LARP4: variants seen among roughly 807,000 people sequenced by gnomAD.
LARP4 encodes la-related protein 4.
In LARP4, 29 loss-of-function variants were observed where a neutral mutation model predicts 92.9. The ratio of observed to expected loss-of-function variants is 0.31; its 90% CI spans 0.23 to 0.43. LARP4 has a LOEUF of 0.43. Among genes scored for constraint, LARP4 ranks in the 20% least tolerant of loss-of-function variants. The pLI is 1.00. For synonymous variants in LARP4, 279 were observed against 284.1 expected, an observed-to-expected ratio of 0.98 and a Z score of 0.18; for missense variants, 732 against 860.0, an observed-to-expected ratio of 0.85 and a Z score of 1.86.
rs374993914 is a variant in LARP4 at position 50,460,780 on chromosome 12, CA to C, written c.1122-351del. Among the ~76,000 whole-genome samples the C allele has an allele frequency of 4.1e-3, 617 of 152,064 alleles. 5 individuals are homozygous for C. Among genetic ancestry groups the C allele is most frequent in the African/African-American group, 0.014 (579 of 41,518 alleles). On this transcript the variant is annotated intron_variant, in intron 10 of 15. Coordinates refer to ENST00000398473, the MANE Select transcript of LARP4 (RefSeq NM_052879.5). ...ACGGTGAAACCCCATCTCTACTAAACAAAATACAAAAAATTAGCTGGACGTG... is the reference window on the plus strand; with the variant it reads ...ACGGTGAAACCCCATCTCTACTAAACAAATACAAAAAATTAGCTGGACGTG...
intron 8 of LARP4, among the ~76,000 whole-genome samples, chr12:50,447,199 AT>A (rs1952349491): frequency 1.3e-5 from 2 of 152,136 alleles, no homozygotes; most frequent in Non-Finnish European, 2.9e-5. Context: ...AGCCTTTTGG[AT>A]TTTCGGATTT....
intron 1 of LARP4, among the ~76,000 whole-genome samples, chr12:50,426,401 A>T (rs1412971824): frequency 8.5e-5 from 13 of 152,194 alleles, no homozygotes; most frequent in Admixed American, 8.5e-4. Flanking sequence ...CTAAATTCCC[A>T]CATCACATTC....
At chr12:50,472,237 A>T (rs1292582727) in intron 13 of LARP4, among the ~76,000 whole-genome samples, 2 of 152,208 alleles carry the variant, frequency 1.3e-5, no homozygotes, top group Admixed American at 1.3e-4. Context: ...GTTTTGTAGT[A>T]TTAAGTACCT....
chr12:50,463,916 G>A (rs541028455), intron 12 of LARP4, among the ~76,000 whole-genome samples: 4 of 152,084 alleles, frequency 2.6e-5, no homozygotes, highest in Non-Finnish European at 5.9e-5. Context: ...TTTCTGTCTG[G>A]ACTTATACCA....
chr12:50,440,654 T>G, intron 7 of LARP4, 105 bp downstream of exon 7: 1 of 718,780 alleles, frequency 1.4e-6, no homozygotes, highest in Non-Finnish European at 2.4e-6. Context: ...TTATCAAGAC[T>G]AGTGAGTACC....
rs1361843724 is a variant in LARP4 at position 50,474,160 on chromosome 12, C to T, written c.1829C>T (p.Ala610Val). 1 of 1,599,958 alleles carries T rather than the reference C, an allele frequency of 6.3e-7. No individual in the cohort carries two copies. Among genetic ancestry groups the T allele is most frequent in the Non-Finnish European group, 8.5e-7 (1 of 1,175,614 alleles). ...NNNINAATAV[A>V]LQEPRKLSYA... The stretch of plus-strand genomic sequence containing the variant: ...AACATAAATGCAGCTACAGCTGTGG[C>T]TCTACAGGTAACTTGAAGATTTTAG... The change falls in exon 15 of 16, where the codon GCT (alanine) becomes GTT (valine). Residue 610 changes from alanine (A) to valine (V), a missense_variant. Around this residue, in one of 7 missense-constraint regions of LARP4, gnomAD observed 4 missense variants for 17.7 expected, o/e 0.23. Coordinates refer to ENST00000398473, the MANE Select transcript of LARP4 (RefSeq NM_052879.5).
chr12:50,410,413 T>TC (rs1211750473), intron 1 of LARP4, among the ~76,000 whole-genome samples: 1 of 150,708 alleles, frequency 6.6e-6, no homozygotes, highest in East Asian at 1.9e-4. Context: ...TTTATCTTTT[T>TC]TTTTTTTTTT....
intron 4 of LARP4, among the ~76,000 whole-genome samples, chr12:50,431,947 T>C (rs969678850): frequency 1.3e-5 from 2 of 152,178 alleles, no homozygotes; most frequent in Non-Finnish European, 2.9e-5. Context: ...AAGACCAGCC[T>C]GGCCAATATG....
intron 6 of LARP4, among the ~76,000 whole-genome samples, chr12:50,440,040 GA>G (rs1950977993): frequency 6.6e-6 from 1 of 152,224 alleles, no homozygotes; most frequent in African/African-American, 2.4e-5. Context: ...GGCCAGGCAG[GA>G]AAAGGACAGG....
At chr12:50,436,920 T>C (rs1950537317) in intron 5 of LARP4, among the ~76,000 whole-genome samples, 1 of 152,174 alleles carries the variant, frequency 6.6e-6, no homozygotes, top group Non-Finnish European at 1.5e-5. Context: ...TATGGAACAT[T>C]ACAGAGGATT....
intron 8 of LARP4, among the ~76,000 whole-genome samples, chr12:50,446,253 A>G (rs1310150292): frequency 1.4e-5 from 2 of 138,256 alleles, no homozygotes; most frequent in Non-Finnish European, 3.1e-5. Context: ...TGATCTGCCC[A>G]CCTCAGCCTC....
chr12:50,431,385 A>G (rs1949636446), intron 4 of LARP4, among the ~76,000 whole-genome samples: 1 of 152,208 alleles, frequency 6.6e-6, no homozygotes. Context: ...TGGAATTGAC[A>G]AAAAGTTATT....
At chr12:50,408,420 C>G (rs1945242175) in intron 1 of LARP4, among the ~76,000 whole-genome samples, 1 of 151,994 alleles carries the variant, frequency 6.6e-6, no homozygotes, top group South Asian at 2.1e-4. Flanking sequence ...TGGTCTCGAA[C>G]TCCCAACCTC....
chr12:50,438,961 A>G (rs1442382987), intron 6 of LARP4, among the ~76,000 whole-genome samples: 2 of 152,308 alleles, frequency 1.3e-5, no homozygotes, highest in East Asian at 3.9e-4. Context: ...TTTTTGAGAC[A>G]GGGTTTCAGT....
rs913149715 is a variant in LARP4, at chr12:50,429,913, T to A, written c.323-582T>A. ...CTTTGGCCTCCCAAAGTGCTGGGAT[T>A]ACAGGCGTGAGCCACCATGCCCGGC... On this transcript the variant is annotated intron_variant, in intron 3 of 15. Coordinates refer to ENST00000398473, the MANE Select transcript of LARP4 (RefSeq NM_052879.5). Among the ~76,000 whole-genome samples the A allele has an allele frequency of 4.6e-5, 7 of 152,228 alleles. No homozygotes were observed. In the South Asian group the frequency reaches 1.4e-3, roughly 32 times the overall value.
intron 4 of LARP4, among the ~76,000 whole-genome samples, chr12:50,432,900 G>T (rs556039313): frequency 6.7e-6 from 1 of 149,764 alleles, no homozygotes; most frequent in African/African-American, 2.4e-5. Context: ...GTGTCTTATC[G>T]GGGAGACTTG....
At chr12:50,447,892 G>C (rs896674071) in intron 8 of LARP4, among the ~76,000 whole-genome samples, 1 of 151,940 alleles carries the variant, frequency 6.6e-6, no homozygotes, top group African/African-American at 2.4e-5. Context: ...TTTTGAGACG[G>C]AGTCTTGCCG....
intron 1 of LARP4, chr12:50,421,392 C>T (rs1947763389): frequency 1.7e-6 from 1 of 578,520 alleles, no homozygotes. Context: ...ACCTGTAATC[C>T]CAGCACTTTG....
At chr12:50,473,075 C>G (rs921853870) in intron 13 of LARP4, among the ~76,000 whole-genome samples, 1 of 152,172 alleles carries the variant, frequency 6.6e-6, no homozygotes, top group Non-Finnish European at 1.5e-5. Context: ...CCGCCTCAGC[C>G]TCCGAAAGTG....
Sources: allele counts gnomAD v4.1 joint callset (sites outside exome capture counted in the v4.1 genomes callset), GRCh38; gene constraint gnomAD v4.1.1; regional missense constraint gnomAD v4.1.1; transcripts MANE v1.5; gene names NCBI Gene and HGNC (gene_info 2026-07-23, HGNC 2026-07-21).